The following GPD2 variants were observed in gnomAD, a reference collection of about 807,000 sequenced individuals.
GPD2 encodes glycerol-3-phosphate dehydrogenase, mitochondrial.
A neutral mutation model predicts 82.4 loss-of-function variants in GPD2; 54 were observed. The observed-to-expected ratio is 0.66, with a 90% CI of 0.53 to 0.82. The LOEUF (loss-of-function observed/expected upper bound fraction) is 0.82, where lower values mean the gene tolerates loss of function less well. Ranked by LOEUF, GPD2 falls within the 40% of genes least tolerant of loss-of-function variation. The pLI, the probability that GPD2 is intolerant of heterozygous loss-of-function variation, is 0.00. For synonymous variants in GPD2, 288 were observed against 306.1 expected (o/e 0.94, Z 0.62); for missense variants, 748 against 896.2 (o/e 0.83, Z 2.11).
chr2:156,406,065 T>G, the GPD2 span, among the ~76,000 whole-genome samples: 2,014 of 151,470 alleles, frequency 0.013, 84 homozygotes, highest in East Asian at 0.14. Flanking sequence ...TTTTCACCTG[T>G]GAGTGATCGT....
rs189990549 is a variant in GPD2, at chr2:156,568,726, G to A, written c.1166-99G>A. ...TCTCTCCTTTTTAAAGTGCACACATGTGTATTCCTGTCACCGAACTCTTTT... is the reference window on the plus strand; with the variant it reads ...TCTCTCCTTTTTAAAGTGCACACATATGTATTCCTGTCACCGAACTCTTTT... On this transcript the variant is annotated intron_variant, in intron 9 of 16. Coordinates refer to ENST00000438166, the MANE Select transcript of GPD2 (RefSeq NM_000408.5). 275 of 999,178 alleles carry A rather than the reference G, an allele frequency of 2.8e-4. No individual in the cohort carries two copies. In the African/African-American group the frequency reaches 4.2e-3, roughly 15 times the overall value. The allele number at this position is 999,178 out of a possible 1,614,324, so 61.9% of individuals were successfully genotyped here. A position where few individuals can be genotyped will look rare whatever the true frequency, so the allele number is the denominator to read the frequency against.
At chr2:156,513,230 T>G (rs1685066277) in intron 5 of GPD2, 103 bp from the exon 6 acceptor site, 4 of 875,536 alleles carry the variant, frequency 4.6e-6, no homozygotes, top group Non-Finnish European at 7.8e-6. Context: ...CACTTCTAGG[T>G]ATGCTTTGTT....
At chr2:156,428,701 A>G in the GPD2 span, among the ~76,000 whole-genome samples, 1 of 152,196 alleles carries the variant, frequency 6.6e-6, no homozygotes, top group Non-Finnish European at 1.5e-5. Context: ...TCCTTGATGG[A>G]TGTTACATTT....
chr2:156,476,388 C>CT (rs35428648), intron 2 of GPD2, among the ~76,000 whole-genome samples, 181 bp downstream of exon 2: 3 of 152,122 alleles, frequency 2.0e-5, no homozygotes, highest in Non-Finnish European at 4.4e-5. Context: ...TGTGTATCTC[C>CT]TTTTTTAAAA....
the GPD2 span, among the ~76,000 whole-genome samples, chr2:156,419,222 G>C: frequency 2.6e-5 from 4 of 151,972 alleles, no homozygotes; most frequent in Non-Finnish European, 4.4e-5. Flanking sequence ...ACCACGGCCG[G>C]CTAATTTTGT....
At chr2:156,497,350 A>C (rs1338356215) in intron 3 of GPD2, among the ~76,000 whole-genome samples, 1 of 152,222 alleles carries the variant, frequency 6.6e-6, no homozygotes, top group Non-Finnish European at 1.5e-5. Context: ...TACTATTACT[A>C]ACATGAATGT....
At chr2:156,452,344 G>A (rs1181722372) in intron 1 of GPD2, among the ~76,000 whole-genome samples, 2 of 152,264 alleles carry the variant, frequency 1.3e-5, no homozygotes, top group Non-Finnish European at 1.5e-5. Flanking sequence ...TCGCGGTTAG[G>A]AGCTGGAGAC....
the GPD2 span, among the ~76,000 whole-genome samples, chr2:156,403,795 C>T: frequency 2.0e-5 from 3 of 152,170 alleles, no homozygotes; most frequent in Admixed American, 1.3e-4. Flanking sequence ...AAACAGGTCT[C>T]GTCAAATATT....
At chr2:156,438,636 G>T (rs1462678142) in intron 1 of GPD2, among the ~76,000 whole-genome samples, 2 of 152,110 alleles carry the variant, frequency 1.3e-5, no homozygotes, top group Admixed American at 1.3e-4. Flanking sequence ...TCCAAAACTT[G>T]ATTCTTTCTG....
chr2:156,541,368 C>T (rs1686304056), intron 6 of GPD2, among the ~76,000 whole-genome samples: 2 of 152,184 alleles, frequency 1.3e-5, no homozygotes, highest in South Asian at 4.1e-4. Flanking sequence ...CTTTTGGGAG[C>T]ATGTGACTCC....
At chr2:156,523,670 C>CTAGATAGATAGATAGATAGA (rs3086039) in intron 6 of GPD2, among the ~76,000 whole-genome samples, 3 of 146,590 alleles carry the variant, frequency 2.0e-5, no homozygotes, top group Non-Finnish European at 3.0e-5. Flanking sequence ...AATTTCTTTT[C>CTAGATAGATAGATAGATAGA]TAGATAGATA....
chr2:156,548,194 A>G (rs1254168692), intron 6 of GPD2, among the ~76,000 whole-genome samples: 1 of 152,218 alleles, frequency 6.6e-6, no homozygotes, highest in Non-Finnish European at 1.5e-5. Context: ...ATGTATTCCA[A>G]TTTTAAGCAA....
chr2:156,450,016 GA>G (rs34523958), intron 1 of GPD2, among the ~76,000 whole-genome samples: 147,308 of 152,092 alleles, frequency 0.97, 71,515 homozygotes, highest in Non-Finnish European at 1. Flanking sequence ...GTCTCAAAGA[GA>G]AAAAAGCATA....
At chr2:156,582,038 T>A (rs1688045192) in intron 16 of GPD2, among the ~76,000 whole-genome samples, 1 of 152,048 alleles carries the variant, frequency 6.6e-6, no homozygotes. Context: ...CTAAATCTTT[T>A]CTTTTTAAAA....
At chr2:156,566,483 C>T (rs1687395789) in intron 9 of GPD2, among the ~76,000 whole-genome samples, 1 of 152,102 alleles carries the variant, frequency 6.6e-6, no homozygotes, top group Non-Finnish European at 1.5e-5. Flanking sequence ...TATTTGTCCT[C>T]TTGTGACTGG....
At chr2:156,445,547 G>C (rs1008863177) in intron 1 of GPD2, among the ~76,000 whole-genome samples, 1 of 152,184 alleles carries the variant, frequency 6.6e-6, no homozygotes, top group African/African-American at 2.4e-5. Flanking sequence ...GATTTGACTT[G>C]TAGGAATCCA....
intron 1 of GPD2, among the ~76,000 whole-genome samples, chr2:156,456,766 G>A (rs139991048): frequency 4.6e-5 from 7 of 151,950 alleles, no homozygotes; most frequent in Admixed American, 2.0e-4. Flanking sequence ...TAGATGGATA[G>A]GGAATGCTGG....
the GPD2 span, among the ~76,000 whole-genome samples, chr2:156,400,396 GC>G: frequency 6.6e-6 from 1 of 152,340 alleles, no homozygotes; most frequent in Middle Eastern, 3.4e-3. Flanking sequence ...ACACACCACG[GC>G]CTCCTGGATC....
intron 6 of GPD2, among the ~76,000 whole-genome samples, chr2:156,520,806 G>A (rs377219601): frequency 6.6e-6 from 1 of 151,964 alleles, no homozygotes; most frequent in African/African-American, 2.4e-5. Flanking sequence ...GGGTGGTTTC[G>A]AACACCTGAG....
Sources: gnomAD v4.1 joint callset for allele counts (sites outside exome capture counted in the v4.1 genomes callset) on GRCh38, gnomAD v4.1.1 for gene constraint, MANE v1.5 for transcripts, NCBI Gene and HGNC (gene_info 2026-07-23, HGNC 2026-07-21) for gene names.